The following TOX variants were observed in gnomAD, a reference collection of about 807,000 sequenced individuals.
TOX encodes thymocyte selection associated high mobility group box, also known as thymocyte selection-associated high mobility group box protein TOX.
TOX carries 11 observed loss-of-function variants against 53.7 expected under a neutral mutation model. The ratio of observed to expected loss-of-function variants is 0.20; its 90% CI spans 0.13 to 0.34. The LOEUF is 0.34. Among genes scored for constraint, TOX ranks in the 10% least tolerant of loss-of-function variants. The pLI, the probability that TOX is intolerant of heterozygous loss-of-function variation, is 1.00. For missense variants in TOX, 570 were observed against 664.6 expected (o/e 0.86, Z 1.56); for synonymous variants, 225 against 245.3 (o/e 0.92, Z 0.77).
chr8:58,832,404 A>G (rs1563364898), intron 5 of TOX, among the ~76,000 whole-genome samples: 2 of 152,068 alleles, frequency 1.3e-5, no homozygotes, highest in African/African-American at 2.4e-5. Flanking sequence ...AATGTTTATA[A>G]GAAAATGGCC....
intron 1 of TOX, among the ~76,000 whole-genome samples, chr8:59,036,358 T>C (rs1005505197): frequency 6.6e-6 from 1 of 152,158 alleles, no homozygotes; most frequent in East Asian, 1.9e-4. Flanking sequence ...CAAAGAACAG[T>C]GAGAGAGGCC....
chr8:59,095,517 C>T (rs113974772), intron 1 of TOX, among the ~76,000 whole-genome samples: 1,724 of 152,218 alleles, frequency 0.011, 46 homozygotes, highest in African/African-American at 0.039. Context: ...AGCAATTCTC[C>T]TGTCTCAGCC....
chr8:58,983,922 T>C (rs1223608395), intron 1 of TOX, among the ~76,000 whole-genome samples: 2 of 152,244 alleles, frequency 1.3e-5, no homozygotes, highest in African/African-American at 4.8e-5. Context: ...AATGAATGAC[T>C]TGGTTTATTC....
chr8:59,027,783 C>T lies in TOX; in HGVS notation c.103-67775G>A, dbSNP rs182889654. Among the ~76,000 whole-genome samples the T allele has an allele frequency of 4.6e-4, 70 of 152,166 alleles. No individual in the cohort carries two copies. The East Asian group carries it at 5.8e-3, about 13-fold the overall frequency. On this transcript the variant is annotated intron_variant, in intron 1 of 8. Coordinates refer to ENST00000361421, the MANE Select transcript of TOX (RefSeq NM_014729.3). ...CTCCCATTAGCCTTAGAGGAGTTGC[C>T]GGTACACATATGATCCTCATCAAGA...
At chr8:59,070,716 TG>T (rs1317016613) in intron 1 of TOX, among the ~76,000 whole-genome samples, 1 of 152,144 alleles carries the variant, frequency 6.6e-6, no homozygotes, top group Non-Finnish European at 1.5e-5. Flanking sequence ...TTTTAGATGT[TG>T]TGGCTAGAAG....
At chr8:59,029,019 G>A (rs62504492) in intron 1 of TOX, among the ~76,000 whole-genome samples, 11,149 of 152,204 alleles carry the variant, frequency 0.073, 523 homozygotes, top group African/African-American at 0.11. Flanking sequence ...CATACAAATA[G>A]ATAATTGCTC....
intron 2 of TOX, among the ~76,000 whole-genome samples, chr8:58,944,147 C>G (rs1812487786): frequency 1.3e-5 from 2 of 152,306 alleles, no homozygotes; most frequent in South Asian, 4.1e-4. Context: ...TAGTGCTGAG[C>G]TACGCAACAG....
chr8:59,005,473 G>A (rs1813774421), intron 1 of TOX, among the ~76,000 whole-genome samples: 1 of 152,108 alleles, frequency 6.6e-6, no homozygotes, highest in Non-Finnish European at 1.5e-5. Flanking sequence ...ATTAGTAACT[G>A]CTGACAAATG....
intron 3 of TOX, among the ~76,000 whole-genome samples, chr8:58,857,944 A>T (rs1250154559): frequency 1.3e-5 from 2 of 151,940 alleles, no homozygotes; most frequent in Non-Finnish European, 2.9e-5. Context: ...TACTTGTTGT[A>T]TTTTTAGTAA....
At position 59,088,604 on chromosome 8, in the gene TOX, C is replaced by T. The variant is rs184468516; in HGVS notation, c.102+30282G>A. Among the ~76,000 whole-genome samples the T allele has an allele frequency of 3.1e-4, 47 of 152,242 alleles. No individual in the cohort carries two copies. The East Asian group carries it at 7.9e-3, about 26-fold the overall frequency. ...CTGATAACAATAGATTAACAAGCCC[C>T]GGGTATTAGTCAGCCGTTCCCCTTA... On this transcript the variant is annotated intron_variant, in intron 1 of 8. Coordinates refer to ENST00000361421, the MANE Select transcript of TOX (RefSeq NM_014729.3).
intron 3 of TOX, among the ~76,000 whole-genome samples, chr8:58,882,055 A>T (rs1423591983): frequency 2.6e-5 from 4 of 152,186 alleles, no homozygotes; most frequent in Non-Finnish European, 5.9e-5. Context: ...TTGTTCATGT[A>T]ATTGTGCAAT....
intron 1 of TOX, among the ~76,000 whole-genome samples, chr8:59,056,771 C>T (rs770465880): frequency 3.9e-5 from 6 of 152,160 alleles, no homozygotes; most frequent in Non-Finnish European, 8.8e-5. Context: ...GCATGCTTCC[C>T]TAGAGTCCCA....
rs185174727 is a variant in TOX at position 59,085,590 on chromosome 8, G to A, written c.102+33296C>T. 7.4e-4 allele frequency among the ~76,000 whole-genome samples: 113 copies of A among 152,260 alleles called. 1 individual carries two copies. In the East Asian group the frequency reaches 0.012, roughly 17 times the overall value. On this transcript the variant is annotated intron_variant, in intron 1 of 8. Transcript: ENST00000361421. ...TTTTGTACAGACAGAGTCTCCCTCT[G>A]TTGCCCAGGCTGGTCTCAAACTCCT... is the stretch of plus-strand genomic sequence containing the variant.
rs1288489540 is a variant in TOX, at chr8:58,902,639, A to G, written c.411+36663T>C. ...GTTTTCTGGAAAAATGAGTTAGTTG[A>G]TCATGTCATTTTGCCAAAAATGGGA... On this transcript the variant is annotated intron_variant, in intron 3 of 8. Transcript: ENST00000361421. Among the ~76,000 whole-genome samples, 5 of 152,186 alleles carry G rather than the reference A, an allele frequency of 3.3e-5. No homozygotes were observed. The East Asian group carries it at 9.6e-4, about 29-fold the overall frequency.
chr8:58,941,078 T>A (rs567146452), intron 2 of TOX, among the ~76,000 whole-genome samples: 113 of 152,338 alleles, frequency 7.4e-4, no homozygotes, highest in Non-Finnish European at 1.0e-3. Context: ...AGAAGTTCAA[T>A]CACTTGTTAC....
At chr8:58,836,272 G>A (rs1346717045) in intron 5 of TOX, among the ~76,000 whole-genome samples, 1 of 152,156 alleles carries the variant, frequency 6.6e-6, no homozygotes, top group African/African-American at 2.4e-5. Context: ...GAGAAGTCAA[G>A]TCACTGTAGA....
At chr8:59,097,828 G>A (rs546952053) in intron 1 of TOX, among the ~76,000 whole-genome samples, 1 of 152,234 alleles carries the variant, frequency 6.6e-6, no homozygotes, top group East Asian at 1.9e-4. Context: ...CATCCTGTAA[G>A]CATAAAGATT....
At position 58,925,403 on chromosome 8, in the gene TOX, A is replaced by G. The variant is rs970306694; in HGVS notation, c.411+13899T>C. The stretch of plus-strand genomic sequence containing the variant: ...CAAGATGCCAAAAGGAAAGAAGACC[A>G]CAGGGAAGGACGGGGTCCCATCCCC... On this transcript the variant is annotated intron_variant, in intron 3 of 8. Coordinates refer to ENST00000361421, the MANE Select transcript of TOX (RefSeq NM_014729.3). Among the ~76,000 whole-genome samples, 7 of 152,324 alleles carry G rather than the reference A, an allele frequency of 4.6e-5. No homozygotes were observed. In the South Asian group the frequency reaches 6.2e-4, roughly 14 times the overall value.
intron 3 of TOX, among the ~76,000 whole-genome samples, chr8:58,918,889 C>T (rs1006219803): frequency 6.6e-6 from 1 of 151,584 alleles, no homozygotes; most frequent in African/African-American, 2.4e-5. Context: ...ACAAAAATCA[C>T]AAGCATTCTT....
Sources: allele counts gnomAD v4.1 joint callset (sites outside exome capture counted in the v4.1 genomes callset), GRCh38; gene constraint gnomAD v4.1.1; transcripts MANE v1.5; gene names NCBI Gene and HGNC (gene_info 2026-07-23, HGNC 2026-07-21).